AAGAB: variants seen among roughly 807,000 people sequenced by gnomAD.
AAGAB encodes alpha- and gamma-adaptin-binding protein p34.
In AAGAB, 38 loss-of-function variants were observed where a neutral mutation model predicts 44.1. That is an observed-to-expected ratio of 0.86 (90% CI 0.67 to 1.13). AAGAB has a LOEUF of 1.13. Ranked by LOEUF, AAGAB falls within the 50% of genes most tolerant of loss-of-function variation. The pLI is 0.00. For missense variants in AAGAB, 450 were observed against 373.8 expected (o/e 1.20, Z -1.68); for synonymous variants, 131 against 131.8 (o/e 0.99, Z 0.04).
At position 67,254,554 on chromosome 15, in the gene AAGAB, C is replaced by G; in HGVS notation, c.73+5G>C. 6.2e-7 allele frequency: 1 copy of G among 1,605,998 alleles called. No individual in the cohort carries two copies. The highest frequency in any genetic ancestry group is 8.5e-7 in the Non-Finnish European group (1 of 1,177,198). ...GGAGGTCGGCCCAGGCGCCTATCTA[C>G]TCACGTTGGACCAGCTGGTCTCCTG... On this transcript the variant is annotated splice_donor_5th_base_variant and intron_variant, in intron 1 of 9. Coordinates refer to ENST00000261880, the MANE Select transcript of AAGAB (RefSeq NM_024666.5).
In AAGAB at chr15:67,228,051, A is replaced by G. The variant is rs138925366; in HGVS notation, c.535+3763T>C. Among the ~76,000 whole-genome samples, 700 of 152,344 alleles carry G rather than the reference A, an allele frequency of 4.6e-3. 7 individuals are homozygous for G. The highest frequency in any genetic ancestry group is 0.016 in the African/African-American group (679 of 41,578). Reference sequence around the variant, plus strand: ...CTTTTAAGAATATTGTTTAGTGTCTAAAACAAGTAAAATGGCATTTTTTCA... The same window carrying G: ...CTTTTAAGAATATTGTTTAGTGTCTGAAACAAGTAAAATGGCATTTTTTCA... On this transcript the variant is annotated intron_variant, in intron 5 of 9. Coordinates refer to ENST00000261880, the MANE Select transcript of AAGAB (RefSeq NM_024666.5).
chr15:67,230,882 C>G (rs569830854), intron 5 of AAGAB, among the ~76,000 whole-genome samples: 212 of 152,264 alleles, frequency 1.4e-3, no homozygotes, highest in Non-Finnish European at 1.6e-3. Flanking sequence ...TGCCAAACCT[C>G]CCTGCACACC....
intron 5 of AAGAB, among the ~76,000 whole-genome samples, chr15:67,210,631 C>T (rs1168553126): frequency 1.3e-5 from 2 of 152,084 alleles, no homozygotes; most frequent in African/African-American, 2.4e-5. Flanking sequence ...TGGAGCAAAA[C>T]ATCTAGCACT....
At chr15:67,240,120 C>T (rs919471167) in intron 1 of AAGAB, among the ~76,000 whole-genome samples, 2 of 152,192 alleles carry the variant, frequency 1.3e-5, no homozygotes, top group African/African-American at 4.8e-5. Context: ...ATCCTCTGCC[C>T]TTTTAGGAAC....
chr15:67,209,000 T>A (rs1046362548), intron 6 of AAGAB, among the ~76,000 whole-genome samples: 2 of 152,194 alleles, frequency 1.3e-5, no homozygotes, highest in Admixed American at 1.3e-4. Flanking sequence ...AAAAGATCCC[T>A]GGAAAGACAA....
intron 5 of AAGAB, among the ~76,000 whole-genome samples, chr15:67,220,860 C>A (rs760728970): frequency 6.6e-6 from 1 of 152,152 alleles, no homozygotes; most frequent in African/African-American, 2.4e-5. Flanking sequence ...TGAATCATAT[C>A]TACTTTTTGC....
In AAGAB at chr15:67,201,170, G is replaced by A. The variant is rs1289698864; in HGVS notation, c.*1651C>T. 6.9e-6 allele frequency: 1 copy of A among 145,456 alleles called. No homozygotes were observed. 9.0% of individuals were successfully genotyped at this position (145,456 alleles called of 1,614,324 possible). A position where few individuals can be genotyped will look rare whatever the true frequency, so the allele number is the denominator to read the frequency against. ...ACCTTCCATCTTTTAAGGAAAACAT[G>A]TTCCACCTTTTTTTTTTTTTTGCAA... On this transcript the variant is annotated 3_prime_UTR_variant, in exon 10 of 10. Coordinates refer to ENST00000261880, the MANE Select transcript of AAGAB (RefSeq NM_024666.5).
At chr15:67,219,927 GTTTGCC>G (rs997503318) in intron 5 of AAGAB, among the ~76,000 whole-genome samples, 10 of 152,152 alleles carry the variant, frequency 6.6e-5, no homozygotes, top group African/African-American at 2.2e-4. Flanking sequence ...AATTTAACCT[GTTTGCC>G]TTAAATCTGA....
intron 7 of AAGAB, among the ~76,000 whole-genome samples, chr15:67,205,313 T>A (rs149399899): frequency 6.6e-6 from 1 of 152,246 alleles, no homozygotes; most frequent in Non-Finnish European, 1.5e-5. Flanking sequence ...TAAAAACGCA[T>A]CTTGGTTAAT....
At chr15:67,236,124 T>A (rs1458570422) in intron 3 of AAGAB, 56 bp from the exon 4 acceptor site, 1 of 1,316,510 alleles carries the variant, frequency 7.6e-7, no homozygotes, top group Non-Finnish European at 1.1e-6. Context: ...AACATGACTA[T>A]TCCTGCAATA....
chr15:67,247,842 C>G (rs1187871300), intron 1 of AAGAB, among the ~76,000 whole-genome samples: 1 of 152,172 alleles, frequency 6.6e-6, no homozygotes, highest in Non-Finnish European at 1.5e-5. Context: ...TAATTGTAAA[C>G]TGATTTTGAG....
intron 4 of AAGAB, chr15:67,232,508 A>G: frequency 2.8e-6 from 1 of 359,340 alleles, no homozygotes; most frequent in South Asian, 2.6e-5. Flanking sequence ...TTCAGTGAAA[A>G]CAAATGGTCA....
chr15:67,213,894 T>C (rs1963881682), intron 5 of AAGAB, among the ~76,000 whole-genome samples: 1 of 152,230 alleles, frequency 6.6e-6, no homozygotes, highest in Non-Finnish European at 1.5e-5. Flanking sequence ...AATAAACATA[T>C]ATCTTCTTTA....
At chr15:67,254,986 C>T (rs367561206), upstream of AAGAB, 1 of 1,594,084 alleles carries the variant, frequency 6.3e-7, no homozygotes, top group African/African-American at 1.3e-5. Flanking sequence ...CCTGCCCAGC[C>T]GCGCCACTTC....
chr15:67,234,741 A>G (rs1259386874), intron 4 of AAGAB, among the ~76,000 whole-genome samples: 4 of 152,204 alleles, frequency 2.6e-5, no homozygotes, highest in Admixed American at 2.6e-4. Context: ...GGACAAGAGA[A>G]AGAGAAAATT....
At chr15:67,231,381 T>C (rs998560573) in intron 5 of AAGAB, among the ~76,000 whole-genome samples, 11 of 152,220 alleles carry the variant, frequency 7.2e-5, no homozygotes, top group African/African-American at 2.4e-4. Flanking sequence ...GCTCTCTCTC[T>C]ATACTTAAGC....
intron 4 of AAGAB, among the ~76,000 whole-genome samples, chr15:67,235,060 G>A (rs1444612243): frequency 1.3e-5 from 2 of 152,026 alleles, no homozygotes; most frequent in Admixed American, 1.3e-4. Context: ...TTTAATTCAC[G>A]TTGGTTGCCC....
At chr15:67,222,282 A>ACACACACACACACACACACCCC (rs796412643) in intron 5 of AAGAB, among the ~76,000 whole-genome samples, 11 of 139,850 alleles carry the variant, frequency 7.9e-5, no homozygotes, top group East Asian at 2.3e-4. Flanking sequence ...ACACACACAC[A>ACACACACACACACACACACCCC]CCCTCCACCC....
At chr15:67,222,228 GCACGCGCGCGCGCGCA>G (rs1290391180) in intron 5 of AAGAB, among the ~76,000 whole-genome samples, 1 of 88,474 alleles carries the variant, frequency 1.1e-5, no homozygotes, top group Non-Finnish European at 2.3e-5. Context: ...GCATGCACGC[GCACGCGCGCGCGCGCA>G]CACACACACA....
Sources: allele counts gnomAD v4.1 joint callset (sites outside exome capture counted in the v4.1 genomes callset), GRCh38; gene constraint gnomAD v4.1.1; transcripts MANE v1.5; gene names NCBI Gene and HGNC (gene_info 2026-07-23, HGNC 2026-07-21).